The following AGFG1 variants were observed in gnomAD, a reference collection of about 807,000 sequenced individuals.
AGFG1 encodes the protein arf-GAP domain and FG repeat-containing protein 1.
A neutral mutation model predicts 60.6 loss-of-function variants in AGFG1; 10 were observed. The ratio of observed to expected loss-of-function variants is 0.16; its 90% confidence interval spans 0.10 to 0.28. The LOEUF is 0.28. Ranked by LOEUF, AGFG1 falls within the 10% of genes least tolerant of loss-of-function variation. AGFG1 has a pLI of 1.00. For missense variants in AGFG1, 537 were observed against 676.5 expected, an observed-to-expected ratio of 0.79 and a Z score of 2.29; for synonymous variants, 247 against 242.9, an observed-to-expected ratio of 1.02 and a Z score of -0.16.
chr2:227,525,273 T>C (rs1691958646), intron 5 of AGFG1, among the ~76,000 whole-genome samples: 1 of 152,236 alleles, frequency 6.6e-6, no homozygotes, highest in Non-Finnish European at 1.5e-5. Context: ...GTCACTGTCA[T>C]ATTATTTTGA....
chr2:227,490,361 G>A (rs558667741), intron 1 of AGFG1, among the ~76,000 whole-genome samples: 2 of 152,188 alleles, frequency 1.3e-5, no homozygotes, highest in African/African-American at 4.8e-5. Flanking sequence ...GGTGGATCAC[G>A]AGGTCAGGAG....
intron 2 of AGFG1, among the ~76,000 whole-genome samples, chr2:227,500,655 A>G (rs189268186): frequency 6.6e-5 from 10 of 152,342 alleles, no homozygotes; most frequent in Admixed American, 3.9e-4. Flanking sequence ...ACATTGTGCT[A>G]TATTTGCCTC....
intron 10 of AGFG1, among the ~76,000 whole-genome samples, chr2:227,538,774 G>A (rs1195375834): frequency 6.6e-6 from 1 of 151,992 alleles, no homozygotes; most frequent in East Asian, 1.9e-4. Flanking sequence ...TTTATTTAGA[G>A]TATGCAAGTT....
Position 227,553,742 on chromosome 2 carries a change from G to C in AGFG1, c.1576G>C (p.Val526Leu), listed in dbSNP as rs1294657587. ...AGCATTTGGACAAACAAAGCCAGTA[G>C]TAACCCCTTTTGGTCAAGTTGCAGC... ...FAAFGQTKPV[V>L]TPFGQVAAAG... The change falls in exon 12 of 13, where the codon GTA (valine) becomes CTA (leucine). Residue 526 changes from valine to leucine, a missense_variant. Around this residue, in one of 4 missense-constraint regions of AGFG1, gnomAD observed 28 missense variants for 51.5 expected, o/e 0.54. Transcript: ENST00000310078. 2 of 1,613,822 alleles carry C rather than the reference G, an allele frequency of 1.2e-6. No homozygotes were observed. The highest frequency in any genetic ancestry group is 1.7e-5 in the Admixed American group (1 of 59,992).
At position 227,554,564 on chromosome 2, in the gene AGFG1, G is replaced by C; in HGVS notation, c.*69G>C. ...ATTACATCTCTCCACCTCTTGCACT[G>C]TTGTCTTGTTTCACTGATCTTAGCT... is the stretch of plus-strand genomic sequence containing the variant. On this transcript the variant is annotated 3_prime_UTR_variant, in exon 13 of 13. Transcript: ENST00000310078. The C allele has an allele frequency of 5.4e-6, 7 of 1,299,290 alleles. No homozygotes were observed. The East Asian group carries it at 1.4e-4, about 26-fold the overall frequency. 80.5% of individuals were successfully genotyped at this position (1,299,290 alleles called of 1,614,324 possible).
At chr2:227,506,732 A>G (rs531300238) in intron 2 of AGFG1, among the ~76,000 whole-genome samples, 203 of 147,134 alleles carry the variant, frequency 1.4e-3, no homozygotes, top group African/African-American at 4.8e-3. Context: ...TACTGGTGGA[A>G]ATCTACACTG....
intron 10 of AGFG1, among the ~76,000 whole-genome samples, chr2:227,545,922 T>C (rs942092793): frequency 2.6e-5 from 4 of 152,174 alleles, no homozygotes; most frequent in Non-Finnish European, 2.9e-5. Context: ...TGTCTCCCAG[T>C]TAGGCTACTG....
intron 1 of AGFG1, among the ~76,000 whole-genome samples, chr2:227,486,802 A>G (rs1290158332): frequency 1.3e-5 from 2 of 152,216 alleles, no homozygotes; most frequent in Non-Finnish European, 2.9e-5. Context: ...GTGGTTCTCA[A>G]CTGCAGGGGT....
intron 1 of AGFG1, among the ~76,000 whole-genome samples, chr2:227,482,216 G>C (rs751030239): frequency 6.6e-6 from 1 of 152,110 alleles, no homozygotes; most frequent in Non-Finnish European, 1.5e-5. Context: ...GTCATAACTT[G>C]AATATTATTT....
intron 2 of AGFG1, among the ~76,000 whole-genome samples, chr2:227,494,553 G>A (rs1423655654): frequency 6.6e-6 from 1 of 152,200 alleles, no homozygotes; most frequent in African/African-American, 2.4e-5. Context: ...GGGAGTTTTA[G>A]TGAGCTGTGG....
chr2:227,543,631 G>A (rs1234986964), intron 10 of AGFG1, among the ~76,000 whole-genome samples: 1 of 152,176 alleles, frequency 6.6e-6, no homozygotes, highest in East Asian at 1.9e-4. Context: ...TGTATATTCT[G>A]TTGATTTGGG....
At chr2:227,481,228 G>C (rs1301226088) in intron 1 of AGFG1, among the ~76,000 whole-genome samples, 2 of 151,066 alleles carry the variant, frequency 1.3e-5, no homozygotes, top group Non-Finnish European at 2.9e-5. Context: ...TGGGAACCAA[G>C]TTGAGGGAGG....
chr2:227,545,979 T>C (rs908930630), intron 10 of AGFG1, among the ~76,000 whole-genome samples: 6 of 152,208 alleles, frequency 3.9e-5, no homozygotes, highest in African/African-American at 1.4e-4. Flanking sequence ...CATTCTCAGA[T>C]CTCAGACTCC....
intron 2 of AGFG1, among the ~76,000 whole-genome samples, chr2:227,492,347 A>G (rs1456480608): frequency 6.6e-6 from 1 of 152,108 alleles, no homozygotes; most frequent in African/African-American, 2.4e-5. Context: ...AGGATGAGCC[A>G]GTTAACCCAA....
chr2:227,546,905 A>G (rs546154651), intron 10 of AGFG1, among the ~76,000 whole-genome samples: 4 of 152,200 alleles, frequency 2.6e-5, no homozygotes, highest in African/African-American at 4.8e-5. Context: ...AAGGAAAGGT[A>G]CTTACCAAAA....
At chr2:227,548,726 A>G (rs904270370) in intron 10 of AGFG1, among the ~76,000 whole-genome samples, 1 of 152,186 alleles carries the variant, frequency 6.6e-6, no homozygotes, top group African/African-American at 2.4e-5. Flanking sequence ...TCACGAGGTC[A>G]GGAGATCGAG....
intron 2 of AGFG1, among the ~76,000 whole-genome samples, chr2:227,518,516 CT>C (rs1222543055): frequency 0.058 from 5,954 of 102,324 alleles, 166 homozygotes; most frequent in African/African-American, 0.11. Context: ...GTCTCAGTGT[CT>C]TTTTTTTTTT....
Position 227,559,533 on chromosome 2 carries a change from G to A in AGFG1, c.*5038G>A, listed in dbSNP as rs1274790805. 6.6e-6 allele frequency: 1 copy of A among 152,132 alleles called. No individual in the cohort carries two copies. The highest frequency in any genetic ancestry group is 2.4e-5 in the African/African-American group (1 of 41,446). 9.4% of individuals were successfully genotyped at this position (152,132 alleles called of 1,614,324 possible). On this transcript the variant is annotated 3_prime_UTR_variant, in exon 13 of 13. Transcript: ENST00000310078. ...ATCTGTGCTTGTCCAACACAGGGCT[G>A]TAGGGACTGATGAAAAGAGAATGTT...
At chr2:227,475,503 A>T (rs1003121643) in intron 1 of AGFG1, among the ~76,000 whole-genome samples, 1 of 152,174 alleles carries the variant, frequency 6.6e-6, no homozygotes, top group Non-Finnish European at 1.5e-5. Flanking sequence ...GCTTCTGAAG[A>T]TTTTTTTCTT....
Sources: gnomAD v4.1 joint callset for allele counts (sites outside exome capture counted in the v4.1 genomes callset) on GRCh38, gnomAD v4.1.1 for gene constraint, gnomAD v4.1.1 regional missense constraint, MANE v1.5 for transcripts, NCBI Gene and HGNC (gene_info 2026-07-23, HGNC 2026-07-21) for gene names.